The following ELAPOR2 variants were observed in gnomAD, a reference collection of about 807,000 sequenced individuals.
The protein encoded by ELAPOR2 is endosome/lysosome-associated apoptosis and autophagy regulator family member 2.
A neutral mutation model predicts 120.7 loss-of-function variants in ELAPOR2; 89 were observed. The ratio of observed to expected loss-of-function variants is 0.74; its 90% confidence interval spans 0.62 to 0.88. The LOEUF is 0.88. ELAPOR2 is among the 40% of genes least tolerant of loss of function. ELAPOR2 has a pLI of 0.00. For synonymous variants in ELAPOR2, 444 were observed against 444.9 expected, an observed-to-expected ratio of 1.00 and a Z score of 0.03; for missense variants, 1,134 against 1,251.6, an observed-to-expected ratio of 0.91 and a Z score of 1.42.
intron 2 of ELAPOR2, among the ~76,000 whole-genome samples, chr7:86,964,207 C>T (rs575011418): frequency 6.6e-6 from 1 of 151,980 alleles, no homozygotes; most frequent in East Asian, 1.9e-4. Context: ...TTTAGTCTAC[C>T]CTCTCGACTA....
intron 3 of ELAPOR2, among the ~76,000 whole-genome samples, chr7:86,947,474 A>G (rs1323373017): frequency 6.6e-6 from 1 of 152,234 alleles, no homozygotes; most frequent in African/African-American, 2.4e-5. Flanking sequence ...AGTTATAAAT[A>G]TGAGAAAATT....
At chr7:86,883,033 T>G (rs1033038448) in intron 21 of ELAPOR2, among the ~76,000 whole-genome samples, 1 of 151,084 alleles carries the variant, frequency 6.6e-6, no homozygotes. Flanking sequence ...GGTGTGTGTG[T>G]GTGTGTGTGT....
At chr7:87,047,170 G>A (rs1339406855) in intron 1 of ELAPOR2, among the ~76,000 whole-genome samples, 1 of 152,126 alleles carries the variant, frequency 6.6e-6, no homozygotes, top group African/African-American at 2.4e-5. Flanking sequence ...ATCTCCCACT[G>A]TATACAAAAA....
chr7:86,958,345 A>G lies in ELAPOR2; in HGVS notation c.310+6559T>C, dbSNP rs185014539. Among the ~76,000 whole-genome samples the G allele has an allele frequency of 4.6e-5, 7 of 152,356 alleles. No individual in the cohort carries two copies. In the East Asian group the frequency reaches 1.3e-3, roughly 29 times the overall value. The stretch of plus-strand genomic sequence containing the variant: ...AATGAATGCAGGTAAAGCATTTACA[A>G]TTATACCTGGCATATAGCAAGTAAA... On this transcript the variant is annotated intron_variant, in intron 2 of 21. Transcript: ENST00000450689.
chr7:86,961,101 C>T (rs757530371), intron 2 of ELAPOR2, among the ~76,000 whole-genome samples: 3 of 152,102 alleles, frequency 2.0e-5, no homozygotes, highest in Non-Finnish European at 4.4e-5. Flanking sequence ...ATTATACATA[C>T]ATATATACAC....
chr7:86,889,602 C>A (rs116407115), intron 21 of ELAPOR2, among the ~76,000 whole-genome samples: 1 of 151,820 alleles, frequency 6.6e-6, no homozygotes, highest in African/African-American at 2.4e-5. Flanking sequence ...TAGGAGATTT[C>A]GTCACACTAT....
At chr7:86,916,753 C>A (rs1359633620) in intron 12 of ELAPOR2, among the ~76,000 whole-genome samples, 1 of 152,016 alleles carries the variant, frequency 6.6e-6, no homozygotes, top group Non-Finnish European at 1.5e-5. Context: ...CTGCTATAGG[C>A]CATAAAAAGC....
chr7:86,976,830 A>G (rs1375513073), intron 1 of ELAPOR2, among the ~76,000 whole-genome samples: 1 of 152,220 alleles, frequency 6.6e-6, no homozygotes, highest in Non-Finnish European at 1.5e-5. Flanking sequence ...AGAAAAGACA[A>G]TCAACATATA....
chr7:86,962,836 G>A (rs1433742254), intron 2 of ELAPOR2, among the ~76,000 whole-genome samples: 1 of 152,176 alleles, frequency 6.6e-6, no homozygotes, highest in African/African-American at 2.4e-5. Flanking sequence ...GCTCCTGAAG[G>A]AATATCCAGT....
intron 1 of ELAPOR2, among the ~76,000 whole-genome samples, chr7:87,054,695 A>G (rs1371401038): frequency 6.6e-6 from 1 of 152,096 alleles, no homozygotes; most frequent in Non-Finnish European, 1.5e-5. Flanking sequence ...TAGCTTACCA[A>G]ATCTAGGAAG....
intron 1 of ELAPOR2, among the ~76,000 whole-genome samples, chr7:87,014,079 T>C (rs1216454631): frequency 1.3e-5 from 2 of 151,320 alleles, no homozygotes; most frequent in Non-Finnish European, 2.9e-5. Flanking sequence ...CCCAGAACAT[T>C]GTACTGTCTA....
chr7:86,992,021 T>C (rs562240247), intron 1 of ELAPOR2, among the ~76,000 whole-genome samples: 6 of 152,340 alleles, frequency 3.9e-5, no homozygotes, highest in African/African-American at 1.2e-4. Context: ...ATGGGGATAA[T>C]AGATATTGAA....
intron 1 of ELAPOR2, among the ~76,000 whole-genome samples, chr7:87,058,950 G>A (rs1019669895): frequency 2.6e-5 from 4 of 151,916 alleles, no homozygotes; most frequent in African/African-American, 9.7e-5. Context: ...TGGCTCTCTG[G>A]AAAAGCTGTG....
chr7:86,890,622 A>G (rs185504627), intron 21 of ELAPOR2, among the ~76,000 whole-genome samples: 164 of 152,154 alleles, frequency 1.1e-3, no homozygotes, highest in African/African-American at 3.8e-3. Flanking sequence ...CATCTCTGAC[A>G]TGACTCTCAT....
Position 86,940,091 on chromosome 7 carries a change from T to C in ELAPOR2, c.766A>G (p.Ile256Val). The stretch of plus-strand genomic sequence containing the variant: ...ATGCCTGTAGTTCTCCAGTAGAGTA[T>C]GTTTGTGCCTGATTTCAGCATTACC... ...HSVMLKSGTN[I>V]LYWRTTGILM... Residue 256 changes from isoleucine (I) to valine (V), a missense_variant, in exon 6 of 22, where the codon ATA becomes GTA. This residue lies in a region of ELAPOR2 where 280 missense variants were observed against 331.5 expected (regional missense o/e 0.84). Transcript: ENST00000450689. The C allele has an allele frequency of 6.2e-7, 1 of 1,611,662 alleles. No individual in the cohort carries two copies. Among genetic ancestry groups the C allele is most frequent in the East Asian group, 2.2e-5 (1 of 44,800 alleles).
chr7:87,055,607 G>A (rs902488320), intron 1 of ELAPOR2, among the ~76,000 whole-genome samples: 1 of 151,982 alleles, frequency 6.6e-6, no homozygotes, highest in Non-Finnish European at 1.5e-5. Context: ...ACCCTTGTCT[G>A]CTTGGCAAAT....
chr7:86,973,378 C>CG (rs1420110977), intron 1 of ELAPOR2, among the ~76,000 whole-genome samples: 2 of 152,138 alleles, frequency 1.3e-5, no homozygotes, highest in Admixed American at 1.3e-4. Flanking sequence ...ATGTAAGTGA[C>CG]TTTTTCTCTG....
intron 1 of ELAPOR2, among the ~76,000 whole-genome samples, chr7:86,971,898 T>G (rs1365523683): frequency 1.3e-5 from 2 of 151,942 alleles, no homozygotes; most frequent in East Asian, 1.9e-4. Context: ...TGGTTGAAAA[T>G]CTGTTTGAGA....
At chr7:86,924,976 G>A (rs1015580659) in intron 10 of ELAPOR2, among the ~76,000 whole-genome samples, 1 of 152,032 alleles carries the variant, frequency 6.6e-6, no homozygotes, top group Non-Finnish European at 1.5e-5. Context: ...TGCAGAACAA[G>A]TAAATTCCAA....
Sources: allele counts gnomAD v4.1 joint callset (sites outside exome capture counted in the v4.1 genomes callset), GRCh38; gene constraint gnomAD v4.1.1; regional missense constraint gnomAD v4.1.1; transcripts MANE v1.5; gene names NCBI Gene and HGNC (gene_info 2026-07-23, HGNC 2026-07-21).